The following SAG variants were observed in gnomAD, a reference collection of about 807,000 sequenced individuals.
The protein encoded by SAG is S-arrestin.
SAG carries 45 observed loss-of-function variants against 55.0 expected under a neutral mutation model. That is an observed-to-expected ratio of 0.82 (90% CI 0.64 to 1.05). The LOEUF is 1.05. Ranked by LOEUF, SAG falls within the 50% of genes least tolerant of loss-of-function variation. The pLI, the probability that SAG is intolerant of heterozygous loss-of-function variation, is 0.00. For synonymous variants in SAG, 189 were observed against 197.4 expected (o/e 0.96, Z 0.36); for missense variants, 455 against 512.1 (o/e 0.89, Z 1.08).
Position 233,340,598 on chromosome 2 carries a change from A to T in SAG, c.1046+120A>T. 1.3e-6 allele frequency: 1 copy of T among 777,038 alleles called. No homozygotes were observed. Among genetic ancestry groups the T allele is most frequent in the Non-Finnish European group, 2.2e-6 (1 of 452,940 alleles). The allele number at this position is 777,038 out of a possible 1,614,324, so 48.1% of individuals were successfully genotyped here. ...CTGGACAGTTGTGCTCAGAGGTGTT[A>T]GGAATGATGCTTTGCCTTCGGATGC... On this transcript the variant is annotated intron_variant, in intron 13 of 15. Transcript: ENST00000409110. The surrounding 1 kb of genome is among the most constrained non-coding windows in gnomAD (Gnocchi z 4.2).
At chr2:233,325,027 A>G (rs777139436) in intron 6 of SAG, among the ~76,000 whole-genome samples, 14 of 152,044 alleles carry the variant, frequency 9.2e-5, no homozygotes, top group Non-Finnish European at 2.1e-4. Context: ...CGAGTTTGAG[A>G]CCAGCCTGGC....
At chr2:233,310,506 CTTTTT>C (rs967605903) in intron 2 of SAG, among the ~76,000 whole-genome samples, 1 of 115,432 alleles carries the variant, frequency 8.7e-6, no homozygotes, top group East Asian at 2.4e-4. Flanking sequence ...ATCATTCTGG[CTTTTT>C]TTTTTTTTTT....
chr2:233,326,314 C>T (rs951364581), intron 6 of SAG, among the ~76,000 whole-genome samples: 2 of 152,174 alleles, frequency 1.3e-5, no homozygotes, highest in South Asian at 2.1e-4. Flanking sequence ...TGGCTGGGCG[C>T]GATGGCTCAC....
At position 233,316,150 on chromosome 2, in the gene SAG, G is replaced by A. The variant is rs1167617145; in HGVS notation, c.136+15G>A. 2 of 1,516,478 alleles carry A rather than the reference G, an allele frequency of 1.3e-6. No homozygotes were observed. The highest frequency in any genetic ancestry group is 1.8e-6 in the Non-Finnish European group (2 of 1,100,434). The allele number at this position is 1,516,478 out of a possible 1,614,324, so 93.9% of individuals were successfully genotyped here. ...CCAGCCTGTGGGTAAGTTGCTTGGA[G>A]AAAACTGTAATGCTGGTTTTCCTTT... On this transcript the variant is annotated intron_variant, in intron 3 of 15. Transcript: ENST00000409110.
intron 5 of SAG, 25 bp from the exon 6 acceptor site, chr2:233,322,921 A>C (rs1559439615): frequency 1.4e-6 from 2 of 1,439,516 alleles, no homozygotes. Context: ...GAAATAAATG[A>C]TTTTTTATTT....
chr2:233,345,788 A>C (rs1193162486), intron 14 of SAG: 2 of 152,588 alleles, frequency 1.3e-5, no homozygotes, highest in African/African-American at 4.8e-5. Flanking sequence ...AGCATCCTAG[A>C]GTTGAGACTG....
At chr2:233,313,009 T>C (rs1700119164) in intron 2 of SAG, among the ~76,000 whole-genome samples, 1 of 152,214 alleles carries the variant, frequency 6.6e-6, no homozygotes, top group Non-Finnish European at 1.5e-5. Flanking sequence ...TGCTGGGGCC[T>C]CTGTAACCGT....
At position 233,328,620 on chromosome 2, in the gene SAG, A is replaced by T. The variant is rs904003655; in HGVS notation, c.648+7A>T. 6.2e-7 allele frequency: 1 copy of T among 1,605,246 alleles called. No individual in the cohort carries two copies. Among genetic ancestry groups the T allele is most frequent in the Non-Finnish European group, 8.5e-7 (1 of 1,174,036 alleles). On this transcript the variant is annotated splice_region_variant and intron_variant, in intron 8 of 15. Transcript: ENST00000409110. ...GGTCTCTCTCAACAAAGAGGTAACCACCTACCATCGCTACTACCCGCAGGG... is the reference window on the plus strand; with the variant it reads ...GGTCTCTCTCAACAAAGAGGTAACCTCCTACCATCGCTACTACCCGCAGGG...
intron 6 of SAG, among the ~76,000 whole-genome samples, chr2:233,326,516 C>T (rs1178811704): frequency 1.3e-5 from 2 of 149,196 alleles, no homozygotes; most frequent in Admixed American, 1.4e-4. Context: ...ACTCGGGAGG[C>T]GGAGGTTGTG....
At position 233,331,195 on chromosome 2, in the gene SAG, C is replaced by T. The variant is rs144409706; in HGVS notation, c.734-445C>T. ...GCTTAGAATAGATAAATAATTCACC[C>T]CACAGTTAGTGGCTAAGCCAAGATT... On this transcript the variant is annotated intron_variant, in intron 9 of 15. Coordinates refer to ENST00000409110, the MANE Select transcript of SAG (RefSeq NM_000541.5). 6.4e-4 allele frequency among the ~76,000 whole-genome samples: 97 copies of T among 152,296 alleles called. 1 individual carries two copies. The East Asian group carries it at 0.018, about 28-fold the overall frequency.
intron 4 of SAG, 39 bp downstream of exon 4, chr2:233,318,834 G>T (rs79243191): frequency 6.4e-7 from 1 of 1,568,712 alleles, no homozygotes; most frequent in Admixed American, 1.7e-5. Flanking sequence ...GTTTCTGGGC[G>T]GAGTGGACTG....
In SAG at chr2:233,340,705, C is replaced by T. The variant is rs1471518498; in HGVS notation, c.1046+227C>T. On this transcript the variant is annotated intron_variant, in intron 13 of 15. Coordinates refer to ENST00000409110, the MANE Select transcript of SAG (RefSeq NM_000541.5). The surrounding 1 kb of genome is among the most constrained non-coding windows in gnomAD (Gnocchi z 4.2). ...AGCTAGACCTATGCCTGGGTAAGGA[C>T]ACACACATACACACCCAGAAAACTG... 1.3e-5 allele frequency among the ~76,000 whole-genome samples: 2 copies of T among 152,150 alleles called. No homozygotes were observed. Among genetic ancestry groups the T allele is most frequent in the African/African-American group, 4.8e-5 (2 of 41,418 alleles).
intron 4 of SAG, among the ~76,000 whole-genome samples, 196 bp from the exon 5 acceptor site, chr2:233,320,434 G>A (rs112261490): frequency 6.6e-6 from 1 of 152,328 alleles, no homozygotes; most frequent in African/African-American, 2.4e-5. Context: ...TCTCCCTTTA[G>A]AGCGGTGAAC....
intron 14 of SAG, chr2:233,346,134 CAG>C (rs1470025087): frequency 6.0e-6 from 1 of 167,598 alleles, no homozygotes; most frequent in African/African-American, 2.4e-5. Context: ...GCCTGGGTGA[CAG>C]AGAGAGACAG....
At chr2:233,316,736 A>G (rs1049452691) in intron 3 of SAG, among the ~76,000 whole-genome samples, 5 of 152,376 alleles carry the variant, frequency 3.3e-5, no homozygotes, top group African/African-American at 1.2e-4. Context: ...AGGAAGATAC[A>G]TTTCATCAAA....
chr2:233,316,062 G>A lies in SAG; in HGVS notation c.76-13G>A. 6.4e-7 allele frequency: 1 copy of A among 1,558,526 alleles called. No individual in the cohort carries two copies. The highest frequency in any genetic ancestry group is 8.8e-7 in the Non-Finnish European group (1 of 1,138,874). On this transcript the variant is annotated splice_polypyrimidine_tract_variant and intron_variant, in intron 2 of 15. Transcript: ENST00000409110. The stretch of plus-strand genomic sequence containing the variant: ...TTCTTTGGCCCTTAGACCCACACCT[G>A]TTCTTCTTGCAGGTGACCATCTACC...
intron 6 of SAG, among the ~76,000 whole-genome samples, chr2:233,325,808 G>C (rs1216461994): frequency 6.6e-6 from 1 of 152,240 alleles, no homozygotes; most frequent in Non-Finnish European, 1.5e-5. Flanking sequence ...GGGAGCTTGA[G>C]AGAAGTGCCT....
At chr2:233,308,468 T>TAA (rs879630531) in intron 1 of SAG, among the ~76,000 whole-genome samples, 4 of 140,410 alleles carry the variant, frequency 2.8e-5, no homozygotes, top group African/African-American at 7.8e-5. Flanking sequence ...TCCTATATCT[T>TAA]AAAAAAAAAA....
chr2:233,333,659 C>T (rs1049548612), intron 10 of SAG: 1 of 152,186 alleles, frequency 6.6e-6, no homozygotes, highest in African/African-American at 2.4e-5. Context: ...GGGAGTGGCC[C>T]CAGAGCCTTG....
Sources: gnomAD v4.1 joint callset for allele counts (sites outside exome capture counted in the v4.1 genomes callset) on GRCh38, gnomAD v4.1.1 for gene constraint, Gnocchi (gnomAD v3.1) non-coding constraint, MANE v1.5 for transcripts, NCBI Gene and HGNC (gene_info 2026-07-23, HGNC 2026-07-21) for gene names.